UBR3: variants seen among roughly 807,000 people sequenced by gnomAD.
UBR3 encodes the protein ubiquitin protein ligase E3 component n-recognin 3, also known as E3 ubiquitin-protein ligase UBR3.
UBR3 carries 85 observed loss-of-function variants against 243.2 expected under a neutral mutation model. The ratio of observed to expected loss-of-function variants is 0.35; its 90% CI spans 0.29 to 0.42. The LOEUF is 0.42. UBR3 is among the 10% of genes least tolerant of loss of function. The probability of loss-of-function intolerance (pLI) is 1.00; values close to 1 mark genes in which losing one functional copy is unlikely to be tolerated. For synonymous variants in UBR3, 748 were observed against 799.8 expected, an observed-to-expected ratio of 0.94 and a Z score of 1.09; for missense variants, 1,686 against 2,300.8, an observed-to-expected ratio of 0.73 and a Z score of 5.47.
chr2:169,974,703 G>C (rs1450866681), intron 24 of UBR3, among the ~76,000 whole-genome samples: 2 of 151,852 alleles, frequency 1.3e-5, no homozygotes, highest in Non-Finnish European at 1.5e-5. Flanking sequence ...CTAATTTTAA[G>C]TTTGGTTTAT....
intron 24 of UBR3, 31 bp from the exon 25 acceptor site, chr2:169,986,614 G>T: frequency 6.3e-7 from 1 of 1,585,098 alleles, no homozygotes; most frequent in South Asian, 1.2e-5. Context: ...TCCTCCTAAG[G>T]AATTAAAGAG....
chr2:169,975,169 C>CA (rs1308080623), intron 24 of UBR3, among the ~76,000 whole-genome samples: 1 of 151,916 alleles, frequency 6.6e-6, no homozygotes, highest in African/African-American at 2.4e-5. Context: ...GACCCTGTCT[C>CA]AAAAAAACAA....
chr2:169,919,757 T>G (rs371568157), intron 11 of UBR3, among the ~76,000 whole-genome samples: 21 of 152,066 alleles, frequency 1.4e-4, no homozygotes, highest in East Asian at 1.9e-4. Context: ...AAACCACAAT[T>G]AGATACCATC....
intron 1 of UBR3, among the ~76,000 whole-genome samples, chr2:169,835,997 CTCTCT>C (rs1558998170): frequency 0.11 from 4,287 of 40,192 alleles, 571 homozygotes; most frequent in Middle Eastern, 0.19. Flanking sequence ...TGCACTGTCT[CTCTCT>C]CTCTCTCTCT....
chr2:169,929,845 G>A (rs948972466), intron 18 of UBR3, among the ~76,000 whole-genome samples: 1 of 152,066 alleles, frequency 6.6e-6, no homozygotes, highest in Non-Finnish European at 1.5e-5. Context: ...CCCTCAACAC[G>A]TTGTCTAAAT....
chr2:169,894,016 G>A (rs2084477640), intron 6 of UBR3, among the ~76,000 whole-genome samples: 2 of 151,674 alleles, frequency 1.3e-5, no homozygotes, highest in African/African-American at 4.9e-5. Flanking sequence ...TTAAATCATT[G>A]TCATGCCCTG....
chr2:169,835,508 T>C (rs546066828), intron 1 of UBR3, among the ~76,000 whole-genome samples: 1 of 152,328 alleles, frequency 6.6e-6, no homozygotes, highest in Non-Finnish European at 1.5e-5. Flanking sequence ...TTGCATGATC[T>C]CGGCTCACTG....
chr2:169,992,476 A>T (rs1248301939), intron 25 of UBR3, among the ~76,000 whole-genome samples: 1 of 152,228 alleles, frequency 6.6e-6, no homozygotes, highest in Non-Finnish European at 1.5e-5. Context: ...AATATCCCTT[A>T]TGAGTATACA....
intron 8 of UBR3, among the ~76,000 whole-genome samples, chr2:169,903,037 TC>T (rs2084890031): frequency 6.6e-6 from 1 of 152,242 alleles, no homozygotes; most frequent in African/African-American, 2.4e-5. Context: ...ATCATCTAAA[TC>T]TTGATTTATT....
intron 24 of UBR3, among the ~76,000 whole-genome samples, chr2:169,984,714 G>A (rs62171984): frequency 0.065 from 9,882 of 151,932 alleles, 337 homozygotes; most frequent in Non-Finnish European, 0.083. Flanking sequence ...ATTCAACATA[G>A]GATATAAAAA....
chr2:169,981,368 T>C lies in UBR3; in HGVS notation c.3635-5277T>C, dbSNP rs2088722512. Among the ~76,000 whole-genome samples the C allele has an allele frequency of 2.6e-5, 4 of 152,072 alleles. No homozygotes were observed. The South Asian group carries it at 8.3e-4, about 32-fold the overall frequency. The stretch of plus-strand genomic sequence containing the variant: ...ATGTTAATATTATGTACCCTTGATA[T>C]GATGTGATGAGAATGATGCTTCTGT... On this transcript the variant is annotated intron_variant, in intron 24 of 38. Transcript: ENST00000272793.
chr2:169,851,273 T>A (rs2082647116), intron 1 of UBR3, among the ~76,000 whole-genome samples: 1 of 152,174 alleles, frequency 6.6e-6, no homozygotes, highest in Non-Finnish European at 1.5e-5. Context: ...CACAGGTGTG[T>A]GCCACCATGT....
chr2:170,053,187 A>C (rs2091260091), intron 32 of UBR3, among the ~76,000 whole-genome samples: 1 of 152,202 alleles, frequency 6.6e-6, no homozygotes, highest in Non-Finnish European at 1.5e-5. Context: ...GAGGGGTCCC[A>C]CCATTCCCAG....
intron 26 of UBR3, among the ~76,000 whole-genome samples, chr2:169,999,425 G>A (rs991114066): frequency 6.6e-6 from 1 of 152,194 alleles, no homozygotes; most frequent in Non-Finnish European, 1.5e-5. Flanking sequence ...AGATACTCGT[G>A]AAGAGTCTTC....
intron 8 of UBR3, among the ~76,000 whole-genome samples, chr2:169,900,912 G>A (rs2084796512): frequency 6.6e-6 from 1 of 152,138 alleles, no homozygotes; most frequent in Non-Finnish European, 1.5e-5. Context: ...ATGCCTGTTA[G>A]TCTGACGTAG....
chr2:169,987,641 TC>T (rs565215817), intron 25 of UBR3, among the ~76,000 whole-genome samples: 237 of 151,970 alleles, frequency 1.6e-3, no homozygotes, highest in African/African-American at 5.4e-3. Flanking sequence ...TCCATTGTCT[TC>T]CATAATGAAG....
At chr2:169,968,761 T>A (rs2087943516) in intron 24 of UBR3, among the ~76,000 whole-genome samples, 1 of 152,196 alleles carries the variant, frequency 6.6e-6, no homozygotes, top group Non-Finnish European at 1.5e-5. Flanking sequence ...CTGAGGAACC[T>A]CCATACTGTT....
At chr2:169,931,176 C>G (rs953860742) in intron 18 of UBR3, among the ~76,000 whole-genome samples, 2 of 151,564 alleles carry the variant, frequency 1.3e-5, no homozygotes, top group African/African-American at 2.4e-5. Context: ...ATGGTGAAAC[C>G]CTGTCTCTAC....
At chr2:170,081,636 G>A (rs987135385) in intron 38 of UBR3, 90 bp from the exon 39 acceptor site, 27 of 985,332 alleles carry the variant, frequency 2.7e-5, no homozygotes, top group African/African-American at 1.0e-4. Flanking sequence ...GTTGCACTGC[G>A]AGAGACTGTC....
Sources: gnomAD v4.1 joint callset for allele counts (sites outside exome capture counted in the v4.1 genomes callset) on GRCh38, gnomAD v4.1.1 for gene constraint, MANE v1.5 for transcripts, NCBI Gene and HGNC (gene_info 2026-07-23, HGNC 2026-07-21) for gene names.